Variants in C8orf88 observed in about 807,000 individuals in gnomAD.
C8orf88 encodes the protein uncharacterized protein C8orf88.
C8orf88 carries 14 observed loss-of-function variants against 18.4 expected under a neutral mutation model. That is an observed-to-expected ratio of 0.76 (90% CI 0.50 to 1.19). The LOEUF (loss-of-function observed/expected upper bound fraction) is 1.19, where lower values mean the gene tolerates loss of function less well. C8orf88 is among the 50% of genes most tolerant of loss of function. The probability of loss-of-function intolerance (pLI) is 0.00; values close to 1 mark genes in which losing one functional copy is unlikely to be tolerated. For synonymous variants in C8orf88, 45 were observed against 42.9 expected, an observed-to-expected ratio of 1.05 and a Z score of -0.19; for missense variants, 116 against 134.7, an observed-to-expected ratio of 0.86 and a Z score of 0.69.
chr8:90,977,438 T>C (rs919394247), intron 3 of C8orf88, among the ~76,000 whole-genome samples: 5 of 152,110 alleles, frequency 3.3e-5, no homozygotes, highest in African/African-American at 9.7e-5. Context: ...ATGAAACATA[T>C]AGATGGCAGT....
intron 3 of C8orf88, among the ~76,000 whole-genome samples, 176 bp from the exon 4 acceptor site, chr8:90,971,317 T>C (rs908314611): frequency 6.6e-5 from 10 of 151,834 alleles, no homozygotes; most frequent in Admixed American, 3.9e-4. Flanking sequence ...TTTCAAAATA[T>C]ATTCACATAT....
At chr8:90,971,165 CT>C (rs1563553757) in intron 3 of C8orf88, 24 bp from the exon 4 acceptor site, 5 of 1,342,066 alleles carry the variant, frequency 3.7e-6, no homozygotes, top group Non-Finnish European at 4.9e-6. Context: ...AGAAAATAAA[CT>C]TTTTAACTCA....
chr8:90,972,597 G>C (rs1210627481), intron 3 of C8orf88, among the ~76,000 whole-genome samples: 1 of 151,838 alleles, frequency 6.6e-6, no homozygotes, highest in Non-Finnish European at 1.5e-5. Flanking sequence ...CATGTAAAAA[G>C]TACACCTACA....
At chr8:90,971,911 A>G (rs1811289560) in intron 3 of C8orf88, among the ~76,000 whole-genome samples, 1 of 152,084 alleles carries the variant, frequency 6.6e-6, no homozygotes, top group South Asian at 2.1e-4. Context: ...AACGCAAGAC[A>G]TCAAGATTTC....
At chr8:90,961,185 G>C (rs973391738) in intron 4 of C8orf88, among the ~76,000 whole-genome samples, 7 of 151,378 alleles carry the variant, frequency 4.6e-5, no homozygotes, top group African/African-American at 1.7e-4. Flanking sequence ...ATTCAGATCT[G>C]CCAAAATGTT....
At chr8:90,963,461 C>T (rs1811154677) in intron 4 of C8orf88, among the ~76,000 whole-genome samples, 1 of 151,360 alleles carries the variant, frequency 6.6e-6, no homozygotes. Flanking sequence ...TGGGCTCATT[C>T]ACTGGAAAAA....
intron 4 of C8orf88, among the ~76,000 whole-genome samples, chr8:90,963,873 A>G (rs184949671): frequency 8.8e-4 from 133 of 151,686 alleles, no homozygotes; most frequent in Admixed American, 2.4e-3. Flanking sequence ...AGGAGAAGAG[A>G]GAGAAAAAGG....
chr8:90,981,959 C>T (rs987297524), intron 1 of C8orf88, among the ~76,000 whole-genome samples: 2 of 151,960 alleles, frequency 1.3e-5, no homozygotes, highest in Non-Finnish European at 2.9e-5. Context: ...AGTTAGTAAC[C>T]CTTTAAGTTC....
intron 3 of C8orf88, among the ~76,000 whole-genome samples, chr8:90,975,784 G>A (rs1811339242): frequency 6.6e-6 from 1 of 151,828 alleles, no homozygotes; most frequent in African/African-American, 2.4e-5. Flanking sequence ...CCACTCCTGG[G>A]TAGTATGTGT....
chr8:90,977,548 C>A (rs891612042), intron 3 of C8orf88, among the ~76,000 whole-genome samples: 1 of 152,088 alleles, frequency 6.6e-6, no homozygotes, highest in Non-Finnish European at 1.5e-5. Flanking sequence ...TGTTCTATAT[C>A]AGTTCATATT....
chr8:90,985,373 C>A (rs1004550195), upstream of C8orf88: 14 of 151,944 alleles, frequency 9.2e-5, no homozygotes, highest in Non-Finnish European at 1.9e-4. Flanking sequence ...GCAGCCGCAC[C>A]CCTGCCGGGG....
chr8:90,978,820 T>A (rs1811390606), intron 2 of C8orf88, among the ~76,000 whole-genome samples, 168 bp from the exon 3 acceptor site: 1 of 152,218 alleles, frequency 6.6e-6, no homozygotes, highest in African/African-American at 2.4e-5. Flanking sequence ...AGATGCTGTG[T>A]TAAAAGGATG....
chr8:90,969,575 G>A lies in C8orf88; in HGVS notation c.223+1491C>T, dbSNP rs796878436. On this transcript the variant is annotated intron_variant, in intron 4 of 5. Transcript: ENST00000517562. ...TTGTATAATTCCATTTATATGATAT[G>A]ACCAAATAGCTAAATCCAAAGAGAC... Among the ~76,000 whole-genome samples the A allele has an allele frequency of 4.6e-5, 7 of 151,794 alleles. No homozygotes were observed. In the South Asian group the frequency reaches 1.5e-3, roughly 31 times the overall value.
At chr8:90,965,469 A>C (rs1224960948) in intron 4 of C8orf88, among the ~76,000 whole-genome samples, 3 of 151,796 alleles carry the variant, frequency 2.0e-5, no homozygotes, top group African/African-American at 7.2e-5. Context: ...CAGAAGATCA[A>C]CAAGAAAACA....
intron 5 of C8orf88, among the ~76,000 whole-genome samples, 192 bp downstream of exon 5, chr8:90,960,550 C>A (rs1811110894): frequency 1.3e-5 from 2 of 151,276 alleles, no homozygotes; most frequent in Admixed American, 6.6e-5. Context: ...CAAAATACAG[C>A]TATTCCATTC....
Position 90,958,888 on chromosome 8 carries a change from C to A in C8orf88, c.*119G>T. ...AGCTCTTTCTCATTTTTAGAGAAGTCAAATAGCCAACCATCAAAATTAAGA... is the reference window on the plus strand; with the variant it reads ...AGCTCTTTCTCATTTTTAGAGAAGTAAAATAGCCAACCATCAAAATTAAGA... On this transcript the variant is annotated 3_prime_UTR_variant, in exon 6 of 6. Transcript: ENST00000517562. 1.6e-6 allele frequency: 1 copy of A among 618,104 alleles called. No homozygotes were observed. Among genetic ancestry groups the A allele is most frequent in the Non-Finnish European group, 2.7e-6 (1 of 373,354 alleles). 38.3% of individuals were successfully genotyped at this position (618,104 alleles called of 1,614,324 possible).
At chr8:90,974,795 AC>A (rs750662421) in intron 3 of C8orf88, among the ~76,000 whole-genome samples, 35 of 152,264 alleles carry the variant, frequency 2.3e-4, no homozygotes, top group Middle Eastern at 3.4e-3. Context: ...AAGAAAAAAA[AC>A]ATTAGTAATG....
At chr8:90,968,309 G>A (rs1352318672) in intron 4 of C8orf88, among the ~76,000 whole-genome samples, 3 of 151,574 alleles carry the variant, frequency 2.0e-5, no homozygotes, top group Non-Finnish European at 3.0e-5. Flanking sequence ...CAACAAAGGT[G>A]CCAAGTCCAT....
intron 1 of C8orf88, among the ~76,000 whole-genome samples, chr8:90,982,299 T>A (rs1174108950): frequency 6.6e-6 from 1 of 151,950 alleles, no homozygotes; most frequent in Non-Finnish European, 1.5e-5. Flanking sequence ...TGTAGAAGAG[T>A]ATATTTAAAA....
Sources: gnomAD v4.1 joint callset for allele counts (sites outside exome capture counted in the v4.1 genomes callset) on GRCh38, gnomAD v4.1.1 for gene constraint, MANE v1.5 for transcripts, NCBI Gene and HGNC (gene_info 2026-07-23, HGNC 2026-07-21) for gene names.